The following VAT1L variants were observed in gnomAD, a reference collection of about 807,000 sequenced individuals.
The protein encoded by VAT1L is vesicle amine transport 1 like.
In VAT1L, 34 loss-of-function variants were observed where a neutral mutation model predicts 44.1. The observed-to-expected ratio is 0.77, with a 90% CI of 0.59 to 1.03. VAT1L has a LOEUF of 1.03. VAT1L is among the 50% of genes least tolerant of loss of function. VAT1L has a pLI of 0.00. For synonymous variants in VAT1L, 253 were observed against 202.2 expected (o/e 1.25, Z -2.13); for missense variants, 615 against 538.8 (o/e 1.14, Z -1.40).
chr16:77,913,165 ATTTAAT>A (rs2017516476), intron 7 of VAT1L, among the ~76,000 whole-genome samples: 1 of 152,188 alleles, frequency 6.6e-6, no homozygotes, highest in Non-Finnish European at 1.5e-5. Context: ...GGATTAAATG[ATTTAAT>A]TTTAATTTCA....
At chr16:77,888,084 G>A (rs2017226868) in intron 7 of VAT1L, among the ~76,000 whole-genome samples, 1 of 152,118 alleles carries the variant, frequency 6.6e-6, no homozygotes, top group Non-Finnish European at 1.5e-5. Context: ...ATTTTTGACA[G>A]TCTGCTTCCT....
At chr16:77,956,271 C>G (rs1194992083) in intron 7 of VAT1L, among the ~76,000 whole-genome samples, 3 of 152,094 alleles carry the variant, frequency 2.0e-5, no homozygotes, top group Non-Finnish European at 4.4e-5. Flanking sequence ...TAACCTTGGA[C>G]AAGCCACTAA....
At chr16:77,845,406 G>A (rs1379692142) in intron 3 of VAT1L, among the ~76,000 whole-genome samples, 1 of 152,086 alleles carries the variant, frequency 6.6e-6, no homozygotes, top group Non-Finnish European at 1.5e-5. Flanking sequence ...CCTCTCAGAG[G>A]GGCCCCACTA....
At chr16:77,803,818 C>T (rs982258209) in intron 1 of VAT1L, among the ~76,000 whole-genome samples, 5 of 152,094 alleles carry the variant, frequency 3.3e-5, no homozygotes, top group South Asian at 2.1e-4. Flanking sequence ...TCTTTGGCTC[C>T]GATGAGAAAT....
At chr16:77,830,446 A>G (rs1425933846) in intron 3 of VAT1L, among the ~76,000 whole-genome samples, 5 of 152,060 alleles carry the variant, frequency 3.3e-5, no homozygotes, top group Non-Finnish European at 7.4e-5. Flanking sequence ...TCTCATCTTG[A>G]ATTATGGCTC....
intron 1 of VAT1L, among the ~76,000 whole-genome samples, chr16:77,813,801 G>T (rs1045244554): frequency 1.3e-5 from 2 of 152,138 alleles, no homozygotes; most frequent in African/African-American, 4.8e-5. Flanking sequence ...CATTTATTCA[G>T]TTTAAGGAAT....
chr16:77,851,793 G>C (rs147479358), intron 3 of VAT1L, among the ~76,000 whole-genome samples: 1 of 152,288 alleles, frequency 6.6e-6, no homozygotes, highest in East Asian at 1.9e-4. Context: ...GCTTTCCAGA[G>C]TCACACAGCC....
At chr16:77,957,402 T>C (rs1181353343) in intron 7 of VAT1L, among the ~76,000 whole-genome samples, 2 of 152,286 alleles carry the variant, frequency 1.3e-5, no homozygotes, top group East Asian at 3.9e-4. Context: ...GAGGGTTTTG[T>C]TGAAAGATTC....
chr16:77,883,686 C>T (rs1320166701), intron 6 of VAT1L, among the ~76,000 whole-genome samples: 1 of 152,122 alleles, frequency 6.6e-6, no homozygotes, highest in African/African-American at 2.4e-5. Context: ...ACAAAACTAC[C>T]CCCAGTTCAG....
In VAT1L at chr16:77,788,697, C is replaced by T. The variant is rs377554393; in HGVS notation, c.15C>T (p.Gly5=). Residue 5 remains glycine (G), a synonymous_variant, in exon 1 of 9, where the codon GGC becomes GGT. Coordinates refer to ENST00000302536, the MANE Select transcript of VAT1L (RefSeq NM_020927.3). MAKE[G]VEKAEETEQM... ...CCTCGAGCGCCATGGCCAAGGAAGG[C>T]GTGGAGAAGGCGGAGGAGACGGAGC... 6.4e-7 allele frequency: 1 copy of T among 1,551,382 alleles called. No homozygotes were observed. The highest frequency in any genetic ancestry group is 1.4e-5 in the African/African-American group (1 of 73,288).
intron 7 of VAT1L, among the ~76,000 whole-genome samples, chr16:77,900,934 C>T (rs928513467): frequency 6.6e-6 from 1 of 151,966 alleles, no homozygotes; most frequent in African/African-American, 2.4e-5. Context: ...TAAGCAGAGA[C>T]ACAGAGTCAC....
chr16:77,906,610 TG>T (rs2017439631), intron 7 of VAT1L, among the ~76,000 whole-genome samples: 1 of 152,206 alleles, frequency 6.6e-6, no homozygotes, highest in African/African-American at 2.4e-5. Flanking sequence ...TGTGAGTGAC[TG>T]GTGTTTGATC....
At chr16:77,890,437 G>T (rs2142466354) in intron 7 of VAT1L, among the ~76,000 whole-genome samples, 1 of 152,138 alleles carries the variant, frequency 6.6e-6, no homozygotes, top group East Asian at 1.9e-4. Flanking sequence ...AGAGTATGGG[G>T]CCTAAGAAGC....
At chr16:77,934,182 A>T (rs2017765247) in intron 7 of VAT1L, among the ~76,000 whole-genome samples, 1 of 152,118 alleles carries the variant, frequency 6.6e-6, no homozygotes, top group Non-Finnish European at 1.5e-5. Flanking sequence ...TCTGGATGTT[A>T]AACCAACCAG....
chr16:77,830,238 C>G (rs1452081600), intron 3 of VAT1L, among the ~76,000 whole-genome samples: 3 of 152,152 alleles, frequency 2.0e-5, no homozygotes, highest in East Asian at 1.9e-4. Flanking sequence ...AAGCTCTGAA[C>G]CTCTGTGCCT....
chr16:77,876,764 G>A (rs2017091610), intron 5 of VAT1L, among the ~76,000 whole-genome samples: 1 of 152,200 alleles, frequency 6.6e-6, no homozygotes, highest in South Asian at 2.1e-4. Context: ...ACAGAAGGTA[G>A]CACAGGTGGA....
At chr16:77,859,492 T>A (rs1483361342) in intron 3 of VAT1L, among the ~76,000 whole-genome samples, 1 of 152,180 alleles carries the variant, frequency 6.6e-6, no homozygotes, top group Non-Finnish European at 1.5e-5. Flanking sequence ...TCTAGTGTGA[T>A]AAACTAGATG....
At chr16:77,806,738 TAAC>T (rs368115600) in intron 1 of VAT1L, among the ~76,000 whole-genome samples, 103 of 152,348 alleles carry the variant, frequency 6.8e-4, no homozygotes, top group African/African-American at 2.4e-3. Flanking sequence ...TATGATATGA[TAAC>T]ATATCATAAA....
chr16:77,931,555 G>A (rs141675747), intron 7 of VAT1L, among the ~76,000 whole-genome samples: 3 of 152,256 alleles, frequency 2.0e-5, no homozygotes, highest in South Asian at 2.1e-4. Flanking sequence ...TATATGAGAC[G>A]TCACCCAATT....
Sources: allele counts gnomAD v4.1 joint callset (sites outside exome capture counted in the v4.1 genomes callset), GRCh38; gene constraint gnomAD v4.1.1; transcripts MANE v1.5; gene names NCBI Gene and HGNC (gene_info 2026-07-23, HGNC 2026-07-21).